Variants in ITIH3 observed in about 807,000 individuals in gnomAD.
ITIH3 encodes inter-alpha-trypsin inhibitor heavy chain H3.
A neutral mutation model predicts 96.5 loss-of-function variants in ITIH3; 81 were observed. That is an observed-to-expected ratio of 0.84 (90% CI 0.70 to 1.01). The LOEUF is 1.01. Ranked by LOEUF, ITIH3 falls within the 50% of genes least tolerant of loss-of-function variation. ITIH3 has a pLI of 0.00. For missense variants in ITIH3, 1,057 were observed against 1,139.3 expected, an observed-to-expected ratio of 0.93 and a Z score of 1.04; for synonymous variants, 422 against 445.2, an observed-to-expected ratio of 0.95 and a Z score of 0.66.
Position 52,808,239 on chromosome 3 carries a change from AC to A in ITIH3, c.2543+19del. 6.3e-7 allele frequency: 1 copy of A among 1,583,854 alleles called. No homozygotes were observed. Among genetic ancestry groups the A allele is most frequent in the Non-Finnish European group, 8.7e-7 (1 of 1,152,728 alleles). On this transcript the variant is annotated intron_variant, in intron 21 of 21. Transcript: ENST00000449956. The stretch of plus-strand genomic sequence containing the variant: ...GTCACCAGGTGAGGAGACTTCTCCC[AC>A]ACCCTCACCTGCTCAGCAACGAGAG...
In ITIH3 at chr3:52,807,771, G is replaced by A; in HGVS notation, c.2286G>A (p.Lys762=). 10 of 1,611,984 alleles carry A rather than the reference G, an allele frequency of 6.2e-6. No homozygotes were observed. Among genetic ancestry groups the A allele is most frequent in the Non-Finnish European group, 8.5e-6 (10 of 1,179,116 alleles). The change falls in exon 20 of 22, where the codon AAG becomes AAA. Residue 762 remains lysine (K), a synonymous_variant. Transcript: ENST00000449956. ...GGCTGTCCATGATGATCAACAGGAAGAACATGGTGGTCTCCTTTGGAGATG... is the reference window on the plus strand; with the variant it reads ...GGCTGTCCATGATGATCAACAGGAAAAACATGGTGGTCTCCTTTGGAGATG... ...QDGLSMMINR[K]NMVVSFGDGV...
chr3:52,807,892 T>C lies in ITIH3; in HGVS notation c.2407T>C (p.Ser803Pro). 1 of 1,612,772 alleles carries C rather than the reference T, an allele frequency of 6.2e-7. No individual in the cohort carries two copies. Among genetic ancestry groups the C allele is most frequent in the South Asian group, 1.1e-5 (1 of 90,722 alleles). ...CTACGTGGTGGACAGTCACCGGATG[T>C]CAGCACAGACGCATGGGCTGCTGGG... ...GFYVVDSHRM[S>P]AQTHGLLGQF... is the part of the protein sequence containing the mutation. The change falls in exon 20 of 22, where the codon TCA (serine) becomes CCA (proline). Residue 803 changes from serine to proline, a missense_variant. By Grantham distance (74) the Ser-to-Pro change is moderately conservative (BLOSUM62 -1). Transcript: ENST00000449956.
At chr3:52,805,512 A>T (rs753046618) in intron 15 of ITIH3, 56 of 1,212,756 alleles carry the variant, frequency 4.6e-5, no homozygotes, top group Non-Finnish European at 5.6e-5. Context: ...GGTGGGGCAG[A>T]TGTTTGCTGT....
intron 16 of ITIH3, 34 bp from the exon 17 acceptor site, chr3:52,806,069 C>A: frequency 6.3e-7 from 1 of 1,587,740 alleles, no homozygotes; most frequent in Non-Finnish European, 8.6e-7. Context: ...GGGCCACTTG[C>A]TTAGCTCAGC....
chr3:52,806,521 C>A, intron 18 of ITIH3, 115 bp downstream of exon 18: 1 of 776,286 alleles, frequency 1.3e-6, no homozygotes. Flanking sequence ...ATCATCTTCA[C>A]ATGCAAAGAA....
chr3:52,801,260 C>T (rs893740879), intron 11 of ITIH3, 114 bp downstream of exon 11: 34 of 900,714 alleles, frequency 3.8e-5, no homozygotes, highest in Non-Finnish European at 4.7e-5. Flanking sequence ...GGGTCAAAAT[C>T]CACCTCTGAC....
At chr3:52,801,984 A>G (rs963590676) in intron 11 of ITIH3, among the ~76,000 whole-genome samples, 1 of 150,632 alleles carries the variant, frequency 6.6e-6, no homozygotes, top group Non-Finnish European at 1.5e-5. Context: ...TCCTGTCCAC[A>G]TCACTTTATC....
In ITIH3 at chr3:52,801,010, T is replaced by G. The variant is rs1396017430; in HGVS notation, c.1247T>G (p.Ile416Ser). Residue 416 changes from isoleucine (I) to serine (S), a missense_variant, in exon 11 of 22, where the codon ATC becomes AGC. Coordinates refer to ENST00000449956, the MANE Select transcript of ITIH3 (RefSeq NM_002217.4). ...ATCCAAGAGAATGTGCGGAATGCCA[T>G]CGGGGGCAAGTTCCCCTTGTATAAC... ...EKIQENVRNAIGGKFPLYNLG... is the reference protein window; with the variant it reads ...EKIQENVRNASGGKFPLYNLG... The G allele has an allele frequency of 6.2e-7, 1 of 1,614,048 alleles. No homozygotes were observed.
rs560112900 is a variant in ITIH3, at chr3:52,800,452, G to A, written c.1076-86G>A. ...GTCCTTGGGCACATGAGTGGGGCCG[G>A]CTGTCCCGGCCTCCTCCGCTCCAGC... On this transcript the variant is annotated intron_variant, in intron 9 of 21. Transcript: ENST00000449956. 26 of 1,506,350 alleles carry A rather than the reference G, an allele frequency of 1.7e-5. No homozygotes were observed. The East Asian group carries it at 6.2e-4, about 36-fold the overall frequency. The allele number at this position is 1,506,350 out of a possible 1,614,324, so 93.3% of individuals were successfully genotyped here.
Position 52,806,958 on chromosome 3 carries a change from C to T in ITIH3, c.2114C>T (p.Thr705Ile), listed in dbSNP as rs910311633. The T allele has an allele frequency of 2.5e-6, 4 of 1,593,752 alleles. No homozygotes were observed. The highest frequency in any genetic ancestry group is 2.7e-5 in the African/African-American group (2 of 74,414). ...GDKRGSPDSKTRKTYFGKLGI... is the reference protein window; with the variant it reads ...GDKRGSPDSKIRKTYFGKLGI... ...AAGAGAGGCAGCCCTGACTCCAAGA[C>T]CAGAAAGACTTACTTTGGAAAACTG... Residue 705 changes from threonine to isoleucine, a missense_variant, in exon 19 of 22, where the codon ACC (threonine) becomes ATC (isoleucine). By Grantham distance (89) the Thr-to-Ile change is moderately conservative. Transcript: ENST00000449956.
chr3:52,805,707 G>T lies in ITIH3; in HGVS notation c.1874-101G>T, dbSNP rs1025991898. 5.1e-6 allele frequency: 8 copies of T among 1,562,434 alleles called. No homozygotes were observed. In the East Asian group the frequency reaches 1.6e-4, roughly 31 times the overall value. On this transcript the variant is annotated intron_variant, in intron 15 of 21. Transcript: ENST00000449956. ...CTCCACCTCTATCTGCCAGTGTTGG[G>T]GCCCCTCTGGGGCCCAGCAGCGCTA...
Position 52,794,872 on chromosome 3 carries a change from G to C in ITIH3, c.69G>C (p.Pro23=). 6.2e-7 allele frequency: 1 copy of C among 1,613,928 alleles called. No homozygotes were observed. The highest frequency in any genetic ancestry group is 1.1e-5 in the South Asian group (1 of 91,068). The change falls in exon 1 of 22, where the codon CCG becomes CCC. Residue 23 remains proline, a synonymous_variant. Transcript: ENST00000449956. ...LLSSLAASGF[P]RSPFRLLGKR... ...CCAGCTTGGCAGCCTCTGGCTTCCC[G>C]AGAAGCCCCTTTCGGCTGCTTGGGG... is the stretch of plus-strand genomic sequence containing the variant.
At chr3:52,800,423 T>C (rs959301534) in intron 9 of ITIH3, 115 bp from the exon 10 acceptor site, 52 of 1,260,672 alleles carry the variant, frequency 4.1e-5, no homozygotes, top group Non-Finnish European at 5.5e-5. Flanking sequence ...GGCTGGCAGA[T>C]AGGGTCCTTG....
chr3:52,800,747 C>A, intron 10 of ITIH3, 84 bp downstream of exon 10: 2 of 1,539,016 alleles, frequency 1.3e-6, no homozygotes, highest in Non-Finnish European at 1.8e-6. Context: ...ATTGGAAAAC[C>A]TGGGGCAGCT....
chr3:52,801,793 C>T lies in ITIH3; in HGVS notation c.1384-541C>T, dbSNP rs149044498. Among the ~76,000 whole-genome samples the T allele has an allele frequency of 7.8e-3, 1,184 of 152,356 alleles. 48 individuals carry two copies. The South Asian group carries it at 0.12, about 16-fold the overall frequency. ...TAGGAGTACGCTATTCAACCCATAA[C>T]AGACATACCTACACTAAAAAATTAT... On this transcript the variant is annotated intron_variant, in intron 11 of 21. Transcript: ENST00000449956.
Position 52,795,619 on chromosome 3 carries a change from A to T in ITIH3, c.110A>T (p.Glu37Val). Residue 37 changes from glutamate (E) to valine (V), a missense_variant, in exon 2 of 22, where the codon GAA becomes GTA. Transcript: ENST00000449956. ...FRLLGKRSLPEGVANGIEVYS... is the reference protein window; with the variant it reads ...FRLLGKRSLPVGVANGIEVYS... Reference sequence around the variant, plus strand: ...TTTTTTCAGAAACGGAGCCTCCCGGAAGGGGTAAGAACTTTCACCAGGGGG... The same window carrying T: ...TTTTTTCAGAAACGGAGCCTCCCGGTAGGGGTAAGAACTTTCACCAGGGGG... The T allele has an allele frequency of 1.2e-6, 2 of 1,612,406 alleles. No individual in the cohort carries two copies. Among genetic ancestry groups the T allele is most frequent in the Non-Finnish European group, 1.7e-6 (2 of 1,179,298 alleles).
intron 11 of ITIH3, among the ~76,000 whole-genome samples, chr3:52,801,936 C>T (rs367940446): frequency 6.6e-6 from 1 of 152,192 alleles, no homozygotes; most frequent in African/African-American, 2.4e-5. Context: ...AGGGCGACCA[C>T]CCCATTCCCT....
intron 13 of ITIH3, among the ~76,000 whole-genome samples, chr3:52,803,620 G>A (rs1174901757): frequency 6.6e-6 from 1 of 152,200 alleles, no homozygotes; most frequent in African/African-American, 2.4e-5. Flanking sequence ...TGCCCGGCCG[G>A]TCCTTACGTT....
intron 9 of ITIH3, 86 bp downstream of exon 9, chr3:52,800,007 T>C (rs1699759883): frequency 7.5e-7 from 1 of 1,334,540 alleles, no homozygotes; most frequent in African/African-American, 1.5e-5. Flanking sequence ...TTAGGGACTC[T>C]GCTGGTCTCA....
Sources: allele counts gnomAD v4.1 joint callset (sites outside exome capture counted in the v4.1 genomes callset), GRCh38; gene constraint gnomAD v4.1.1; transcripts MANE v1.5; gene names NCBI Gene and HGNC (gene_info 2026-07-23, HGNC 2026-07-21).